The following KIRREL1 variants were observed in gnomAD, a reference collection of about 807,000 sequenced individuals.
The protein encoded by KIRREL1 is kin of IRRE-like protein 1.
Under a neutral mutation model 83.3 loss-of-function variants are expected in KIRREL1, and 25 were observed. The observed-to-expected ratio is 0.30, with a 90% CI of 0.22 to 0.42. KIRREL1 has a LOEUF of 0.42. Among genes scored for constraint, KIRREL1 ranks in the 10% least tolerant of loss-of-function variants. The pLI is 1.00. For synonymous variants in KIRREL1, 388 were observed against 410.4 expected, an observed-to-expected ratio of 0.95 and a Z score of 0.66; for missense variants, 812 against 1,032.3, an observed-to-expected ratio of 0.79 and a Z score of 2.92.
chr1:158,037,958 C>A (rs1660521017), intron 1 of KIRREL1, among the ~76,000 whole-genome samples: 1 of 152,214 alleles, frequency 6.6e-6, no homozygotes, highest in Non-Finnish European at 1.5e-5. Flanking sequence ...TATTTCCTCA[C>A]CAGGAAACAC....
At chr1:158,079,568 A>G (rs978142830) in intron 3 of KIRREL1, among the ~76,000 whole-genome samples, 1 of 152,178 alleles carries the variant, frequency 6.6e-6, no homozygotes, top group African/African-American at 2.4e-5. Context: ...TGATCCACTC[A>G]TCTTGGCCTC....
At chr1:158,062,600 G>T (rs543704871) in intron 1 of KIRREL1, among the ~76,000 whole-genome samples, 2 of 152,344 alleles carry the variant, frequency 1.3e-5, no homozygotes, top group East Asian at 3.9e-4. Context: ...AAAGTGCCTC[G>T]TTCTCCCTTT....
intron 1 of KIRREL1, among the ~76,000 whole-genome samples, chr1:158,050,352 C>T (rs541227954): frequency 6.6e-6 from 1 of 151,948 alleles, no homozygotes; most frequent in South Asian, 2.1e-4. Flanking sequence ...TACCTGAGGC[C>T]CAGAGAGGTG....
intron 1 of KIRREL1, among the ~76,000 whole-genome samples, chr1:158,033,289 C>G (rs924602343): frequency 1.3e-5 from 2 of 152,152 alleles, no homozygotes; most frequent in African/African-American, 4.8e-5. Flanking sequence ...CCAGGCTGGT[C>G]TCAGACTCCT....
chr1:158,030,885 G>T, intron 1 of KIRREL1: 1 of 152,276 alleles, frequency 6.6e-6, no homozygotes, highest in Non-Finnish European at 1.5e-5. Flanking sequence ...GCTGACTCAT[G>T]TTGCACTGAA....
chr1:158,028,321 T>C (rs1358477390), intron 1 of KIRREL1, among the ~76,000 whole-genome samples: 1 of 152,226 alleles, frequency 6.6e-6, no homozygotes, highest in Non-Finnish European at 1.5e-5. Flanking sequence ...TGCCCTTGAA[T>C]AAACCCTCCC....
intron 1 of KIRREL1, among the ~76,000 whole-genome samples, chr1:158,055,976 T>C (rs563186588): frequency 4.6e-5 from 7 of 152,168 alleles, no homozygotes; most frequent in Non-Finnish European, 1.0e-4. Context: ...TTCTTACCCA[T>C]GAGCAGGCAC....
chr1:158,047,556 C>T (rs924085486), intron 1 of KIRREL1, among the ~76,000 whole-genome samples: 2 of 152,158 alleles, frequency 1.3e-5, no homozygotes, highest in African/African-American at 4.8e-5. Flanking sequence ...GTAGATGCAG[C>T]CTTCATAAAA....
intron 1 of KIRREL1, among the ~76,000 whole-genome samples, chr1:158,010,441 A>ACACACG: frequency 6.8e-6 from 1 of 146,312 alleles, no homozygotes; most frequent in Non-Finnish European, 1.5e-5. Flanking sequence ...ACACACACAC[A>ACACACG]CACACACACA....
intron 3 of KIRREL1, among the ~76,000 whole-genome samples, chr1:158,081,019 C>A (rs1267710456): frequency 9.4e-6 from 1 of 106,174 alleles, no homozygotes; most frequent in African/African-American, 3.2e-5. Context: ...CCAGCCATCC[C>A]CCTCAGCAGC....
At position 158,078,151 on chromosome 1, in the gene KIRREL1, C is replaced by T; in HGVS notation, c.352+11C>T. 6.2e-7 allele frequency: 1 copy of T among 1,612,760 alleles called. No homozygotes were observed. The highest frequency in any genetic ancestry group is 8.5e-7 in the Non-Finnish European group (1 of 1,179,140). ...AACTCACCGTGCTCAGTAAGGACCC[C>T]AATACCCTTCAGTACTTCGAGGCCC... On this transcript the variant is annotated intron_variant, in intron 3 of 14. Coordinates refer to ENST00000359209, the MANE Select transcript of KIRREL1 (RefSeq NM_018240.7).
At chr1:158,038,485 C>CTTT (rs11340189) in intron 1 of KIRREL1, among the ~76,000 whole-genome samples, 28 of 68,074 alleles carry the variant, frequency 4.1e-4, no homozygotes, top group African/African-American at 6.8e-4. Context: ...GGCTCTTCCT[C>CTTT]TTTTTTTTTT....
chr1:157,998,029 G>T (rs940248399), intron 1 of KIRREL1, among the ~76,000 whole-genome samples: 3 of 152,042 alleles, frequency 2.0e-5, no homozygotes, highest in African/African-American at 7.2e-5. Flanking sequence ...CACACACCTG[G>T]CTAATTTTCT....
In KIRREL1 at chr1:158,093,707, A is replaced by T; in HGVS notation, c.1664A>T (p.Glu555Val). 1 of 1,614,184 alleles carries T rather than the reference A, an allele frequency of 6.2e-7. No homozygotes were observed. Among genetic ancestry groups the T allele is most frequent in the Non-Finnish European group, 8.5e-7 (1 of 1,180,040 alleles). The change falls in exon 13 of 15, where the codon GAG (glutamate) becomes GTG (valine). Residue 555 changes from glutamate (E) to valine (V), a missense_variant. Glu to Val is a moderately radical substitution (Grantham distance 121). This residue lies in a region of KIRREL1 where 334 missense variants were observed against 383.7 expected (regional missense o/e 0.87). Transcript: ENST00000359209. ...CCACTTACGATGCATTCTGACCGGG[A>T]GGATGACACCGCCAGCGTCTCCACA... ...REPLTMHSDR[E>V]DDTASVSTAT... is the part of the protein sequence containing the mutation.
chr1:158,038,334 G>A (rs1244328624), intron 1 of KIRREL1, among the ~76,000 whole-genome samples: 1 of 152,176 alleles, frequency 6.6e-6, no homozygotes, highest in East Asian at 1.9e-4. Flanking sequence ...CAGCTGCAGG[G>A]GGTCAGTCAG....
At chr1:158,022,783 A>G (rs1032926350) in intron 1 of KIRREL1, among the ~76,000 whole-genome samples, 2 of 152,176 alleles carry the variant, frequency 1.3e-5, no homozygotes, top group African/African-American at 4.8e-5. Flanking sequence ...CCACTCTGCC[A>G]GCTCCTCTCC....
intron 1 of KIRREL1, among the ~76,000 whole-genome samples, chr1:158,034,274 A>G (rs1660411515): frequency 6.9e-6 from 1 of 145,192 alleles, no homozygotes; most frequent in Non-Finnish European, 1.5e-5. Context: ...CGTCTCAAAA[A>G]AAAAAAAAAA....
rs140549928 is a variant in KIRREL1 at position 158,089,434 on chromosome 1, T to C, written c.1045-68T>C. On this transcript the variant is annotated intron_variant, in intron 8 of 14. Transcript: ENST00000359209. ...TGCTTTCTTTCCGATGCCTCCGATGTGGGGCCCTCATGGACCTAGGGGCCC... is the reference window on the plus strand; with the variant it reads ...TGCTTTCTTTCCGATGCCTCCGATGCGGGGCCCTCATGGACCTAGGGGCCC... 6.6e-4 allele frequency: 1,056 copies of C among 1,596,068 alleles called. 5 individuals carry two copies. The African/African-American group carries it at 0.013, about 19-fold the overall frequency.
chr1:158,030,016 A>G (rs1376517592), intron 1 of KIRREL1, among the ~76,000 whole-genome samples: 1 of 152,210 alleles, frequency 6.6e-6, no homozygotes, highest in African/African-American at 2.4e-5. Context: ...AACCTTAAGT[A>G]TTTTGGTCCT....
Sources: gnomAD v4.1 joint callset for allele counts (sites outside exome capture counted in the v4.1 genomes callset) on GRCh38, gnomAD v4.1.1 for gene constraint, gnomAD v4.1.1 regional missense constraint, MANE v1.5 for transcripts, NCBI Gene and HGNC (gene_info 2026-07-23, HGNC 2026-07-21) for gene names.